The following THRB variants were observed in gnomAD, a reference collection of about 807,000 sequenced individuals.
THRB encodes thyroid hormone receptor beta, also known as nuclear receptor subfamily 1 group A member 2.
In THRB, 12 loss-of-function variants were observed where a neutral mutation model predicts 47.8. The ratio of observed to expected loss-of-function variants is 0.25; its 90% CI spans 0.16 to 0.41. The LOEUF (loss-of-function observed/expected upper bound fraction) is 0.41, where lower values mean the gene tolerates loss of function less well. Ranked by LOEUF, THRB falls within the 10% of genes least tolerant of loss-of-function variation. The pLI is 1.00. For missense variants in THRB, 348 were observed against 589.2 expected, an observed-to-expected ratio of 0.59 and a Z score of 4.24; for synonymous variants, 218 against 212.2, an observed-to-expected ratio of 1.03 and a Z score of -0.24.
At chr3:24,479,344 T>A (rs1272289485) in intron 1 of THRB, among the ~76,000 whole-genome samples, 1 of 152,036 alleles carries the variant, frequency 6.6e-6, no homozygotes, top group Non-Finnish European at 1.5e-5. Context: ...TCCTAAAATA[T>A]CCTATATTGC....
chr3:24,126,837 G>A (rs981484082), intron 10 of THRB, among the ~76,000 whole-genome samples: 3 of 152,344 alleles, frequency 2.0e-5, no homozygotes, highest in South Asian at 2.1e-4. Flanking sequence ...TGTGGATGAA[G>A]GGATCCTGTG....
intron 3 of THRB, among the ~76,000 whole-genome samples, chr3:24,240,915 T>G (rs978817328): frequency 6.6e-6 from 1 of 152,138 alleles, no homozygotes; most frequent in African/African-American, 2.4e-5. Flanking sequence ...ACTCAACACA[T>G]GGCAGGCACC....
intron 5 of THRB, among the ~76,000 whole-genome samples, chr3:24,162,386 G>A (rs920038651): frequency 6.6e-6 from 1 of 152,294 alleles, no homozygotes; most frequent in South Asian, 2.1e-4. Context: ...GCATTTCACA[G>A]CTATGTCACT....
chr3:24,417,450 C>A (rs1230812974), intron 1 of THRB, among the ~76,000 whole-genome samples: 1 of 151,820 alleles, frequency 6.6e-6, no homozygotes, highest in Admixed American at 6.6e-5. Flanking sequence ...ACTGTGTTTG[C>A]AAGATATGTC....
intron 5 of THRB, among the ~76,000 whole-genome samples, chr3:24,154,407 C>T (rs1033685952): frequency 6.6e-6 from 1 of 152,170 alleles, no homozygotes; most frequent in African/African-American, 2.4e-5. Context: ...ATGAGTAAGA[C>T]ATGGTTTCTT....
rs142018176 is a variant in THRB at position 24,253,615 on chromosome 3, G to A, written c.-42-24614C>T. 9.2e-5 allele frequency among the ~76,000 whole-genome samples: 14 copies of A among 152,234 alleles called. No homozygotes were observed. The East Asian group carries it at 1.7e-3, about 19-fold the overall frequency. ...GGCAGCAGATACTCTGCTCCAGGAC[G>A]GAATTGTCACATGGGGCTGTGGAAA... is the stretch of plus-strand genomic sequence containing the variant. On this transcript the variant is annotated intron_variant, in intron 3 of 10. Coordinates refer to ENST00000646209, the MANE Select transcript of THRB (RefSeq NM_001354712.2).
chr3:24,186,280 C>A (rs2042561906), intron 5 of THRB, among the ~76,000 whole-genome samples: 1 of 152,156 alleles, frequency 6.6e-6, no homozygotes, highest in African/African-American at 2.4e-5. Flanking sequence ...CCTAGTGCCA[C>A]TGATTGGTAC....
intron 1 of THRB, among the ~76,000 whole-genome samples, chr3:24,366,646 G>C (rs1048296057): frequency 3.7e-5 from 5 of 135,094 alleles, no homozygotes; most frequent in African/African-American, 1.4e-4. Flanking sequence ...TTTTGAGAAG[G>C]AGTCTCTCTC....
rs1026951280 is a variant in THRB at position 24,120,656 on chromosome 3, G to C, written c.*2228C>G. On this transcript the variant is annotated 3_prime_UTR_variant, in exon 11 of 11. Transcript: ENST00000646209. ...GCTAAGTGTTTGTCTTCCAAAGAGC[G>C]GTTGGTTCCTCAAGGAGTCAAGAGA... is the stretch of plus-strand genomic sequence containing the variant. 6.6e-6 allele frequency: 1 copy of C among 152,238 alleles called. No homozygotes were observed. The highest frequency in any genetic ancestry group is 1.5e-5 in the Non-Finnish European group (1 of 68,076). The allele number at this position is 152,238 out of a possible 1,614,324, so 9.4% of individuals were successfully genotyped here. A position where few individuals can be genotyped will look rare whatever the true frequency, so the allele number is the denominator to read the frequency against.
At chr3:24,426,400 G>A (rs961324051) in intron 1 of THRB, among the ~76,000 whole-genome samples, 3 of 151,850 alleles carry the variant, frequency 2.0e-5, no homozygotes, top group African/African-American at 7.2e-5. Flanking sequence ...TTCTGAATAA[G>A]GCTCCAGCAT....
rs551143123 is a variant in THRB, at chr3:24,246,698, CA to C, written c.-42-17698del. Among the ~76,000 whole-genome samples, 19 of 152,232 alleles carry C rather than the reference CA, an allele frequency of 1.2e-4. No individual in the cohort carries two copies. The East Asian group carries it at 3.7e-3, about 29-fold the overall frequency. On this transcript the variant is annotated intron_variant, in intron 3 of 10. Transcript: ENST00000646209. ...GAGAATATTTAGAAGAATATTTTCACAACTTTACTTTCCCTCAAAAAATATA... is the reference window on the plus strand; with the variant it reads ...GAGAATATTTAGAAGAATATTTTCACACTTTACTTTCCCTCAAAAAATATA...
At chr3:24,347,328 G>A (rs945564501) in intron 1 of THRB, among the ~76,000 whole-genome samples, 1 of 151,872 alleles carries the variant, frequency 6.6e-6, no homozygotes, top group African/African-American at 2.4e-5. Flanking sequence ...AATGATTTAA[G>A]TATCCATTTC....
intron 4 of THRB, among the ~76,000 whole-genome samples, chr3:24,226,247 C>T (rs1370385902): frequency 6.6e-6 from 1 of 152,116 alleles, no homozygotes; most frequent in Non-Finnish European, 1.5e-5. Context: ...CACATTTGGC[C>T]TTTGAAGTAT....
At chr3:24,476,031 G>A (rs1695404806) in intron 1 of THRB, among the ~76,000 whole-genome samples, 1 of 152,230 alleles carries the variant, frequency 6.6e-6, no homozygotes, top group South Asian at 2.1e-4. Context: ...GAAGCTGCTA[G>A]GTCCACCCAG....
chr3:24,385,211 G>A lies in THRB; in HGVS notation c.-260-47840C>T, dbSNP rs148836337. On this transcript the variant is annotated intron_variant, in intron 1 of 10. Transcript: ENST00000646209. Reference sequence around the variant, plus strand: ...GCCCCATTAATAGCAGCAGGAGAATGAGAATGTCATTTGAAATGCTCAATT... The same window carrying A: ...GCCCCATTAATAGCAGCAGGAGAATAAGAATGTCATTTGAAATGCTCAATT... Among the ~76,000 whole-genome samples, 19 of 152,172 alleles carry A rather than the reference G, an allele frequency of 1.2e-4. 1 individual carries two copies. In the South Asian group the frequency reaches 3.5e-3, roughly 28 times the overall value.
intron 1 of THRB, among the ~76,000 whole-genome samples, chr3:24,472,629 T>C (rs1694872648): frequency 6.6e-6 from 1 of 152,204 alleles, no homozygotes; most frequent in Non-Finnish European, 1.5e-5. Context: ...AGCAACTGTA[T>C]AAAAGGTTTC....
chr3:24,398,772 T>G (rs2067170886), intron 1 of THRB, among the ~76,000 whole-genome samples: 2 of 152,172 alleles, frequency 1.3e-5, no homozygotes, highest in African/African-American at 4.8e-5. Flanking sequence ...TAAAGACACA[T>G]GCACACGTAA....
intron 5 of THRB, among the ~76,000 whole-genome samples, chr3:24,171,717 G>A (rs1009892574): frequency 6.6e-6 from 1 of 152,042 alleles, no homozygotes; most frequent in Admixed American, 6.6e-5. Flanking sequence ...CTTAGGCCTG[G>A]GGATTGACTG....
At position 24,123,098 on chromosome 3, in the gene THRB, C is replaced by A; in HGVS notation, c.1172G>T (p.Arg391Ile). 5 of 1,614,156 alleles carry A rather than the reference C, an allele frequency of 3.1e-6. No individual in the cohort carries two copies. Among genetic ancestry groups the A allele is most frequent in the Non-Finnish European group, 4.2e-6 (5 of 1,180,034 alleles). ...SDRPGLACVERIEKYQDSFLL... is the reference protein window; with the variant it reads ...SDRPGLACVEIIEKYQDSFLL... ...GAAACTATCTTGGTACTTTTCTATT[C>A]TCTCAACACAGGCAAGCCCCGGGCG... Residue 391 changes from arginine (R) to isoleucine (I), a missense_variant, in exon 11 of 11, where the codon AGA becomes ATA. Physicochemically the swap from Arg to Ile is moderately conservative, Grantham distance 97. This residue lies in a region of THRB where 36 missense variants were observed against 51.7 expected (regional missense o/e 0.70). Transcript: ENST00000646209.
Sources: allele counts gnomAD v4.1 joint callset (sites outside exome capture counted in the v4.1 genomes callset), GRCh38; gene constraint gnomAD v4.1.1; regional missense constraint gnomAD v4.1.1; transcripts MANE v1.5; gene names NCBI Gene and HGNC (gene_info 2026-07-23, HGNC 2026-07-21).